Variants in LIMS1 observed in about 807,000 individuals in gnomAD.
LIMS1 encodes LIM zinc finger domain containing 1.
In LIMS1, 18 loss-of-function variants were observed where a neutral mutation model predicts 44.1. That is an observed-to-expected ratio of 0.41 (90% CI 0.28 to 0.61). LIMS1 has a LOEUF of 0.61. Among genes scored for constraint, LIMS1 ranks in the 20% least tolerant of loss-of-function variants. The probability of loss-of-function intolerance (pLI) is 0.32; values close to 1 mark genes in which losing one functional copy is unlikely to be tolerated. For synonymous variants in LIMS1, 93 were observed against 149.1 expected (o/e 0.62, Z 2.74); for missense variants, 201 against 422.0 (o/e 0.48, Z 4.59).
intron 5 of LIMS1, chr2:108,673,259 G>A (rs1361241283): frequency 1.4e-5 from 9 of 630,746 alleles, no homozygotes; most frequent in Admixed American, 3.0e-5. Flanking sequence ...CCACATTCTC[G>A]TTTCACCCTC....
At chr2:108,611,981 A>T in intron 1 of LIMS1, among the ~76,000 whole-genome samples, 1 of 144,986 alleles carries the variant, frequency 6.9e-6, no homozygotes, top group Non-Finnish European at 1.5e-5. Context: ...TATATAAAAT[A>T]TATATACATA....
At chr2:108,578,832 G>C (rs1266944533) in intron 1 of LIMS1, among the ~76,000 whole-genome samples, 2 of 152,002 alleles carry the variant, frequency 1.3e-5, no homozygotes, top group East Asian at 3.9e-4. Context: ...CTGACCTCGT[G>C]ATCTGTCTGC....
rs1221751662 is a variant in LIMS1, at chr2:108,621,913, GCAGTGGAACTATT to G, written c.33-37689_33-37677del. 4.6e-5 allele frequency among the ~76,000 whole-genome samples: 7 copies of G among 152,254 alleles called. No homozygotes were observed. The East Asian group carries it at 1.3e-3, about 29-fold the overall frequency. Reference sequence around the variant, plus strand: ...TACTGAAATGGTGTAACAAAGGAATGCAGTGGAACTATTCAATGTAGCCTAGGAAGGAAGGACA... The same window carrying G: ...TACTGAAATGGTGTAACAAAGGAATGCAATGTAGCCTAGGAAGGAAGGACA... On this transcript the variant is annotated intron_variant, in intron 1 of 9. Transcript: ENST00000544547.
chr2:108,670,017 A>T (rs1233189649), intron 2 of LIMS1, among the ~76,000 whole-genome samples: 3 of 152,182 alleles, frequency 2.0e-5, no homozygotes, highest in Non-Finnish European at 4.4e-5. Context: ...TTAAAATTTC[A>T]TGTTATATAT....
chr2:108,563,033 A>G (rs1299036768), intron 1 of LIMS1, among the ~76,000 whole-genome samples: 1 of 152,240 alleles, frequency 6.6e-6, no homozygotes, highest in Non-Finnish European at 1.5e-5. Flanking sequence ...GGAACACTGA[A>G]GTCTGGATGA....
intron 1 of LIMS1, chr2:108,607,073 T>C (rs1283445425): frequency 4.6e-6 from 3 of 658,058 alleles, no homozygotes; most frequent in Non-Finnish European, 7.8e-6. Context: ...GGAGAGATGA[T>C]TAGGTCACGA....
rs1161487423 is a variant in LIMS1, at chr2:108,621,416, G to A, written c.33-38189G>A. 9 of 1,551,036 alleles carry A rather than the reference G, an allele frequency of 5.8e-6. No homozygotes were observed. In the Admixed American group the frequency reaches 5.9e-5, roughly 10 times the overall value. ...GGTCTCTACAGGAGAAGACGAGATC[G>A]CCCCGATAGTTTGAGAGTAAATGGG... On this transcript the variant is annotated intron_variant, in intron 1 of 9. Transcript: ENST00000544547.
intron 1 of LIMS1, among the ~76,000 whole-genome samples, chr2:108,628,655 G>A (rs1277122317): frequency 2.0e-5 from 3 of 152,098 alleles, no homozygotes; most frequent in East Asian, 1.9e-4. Context: ...TAGTAGAGAC[G>A]GGGTTTCACC....
chr2:108,613,171 G>C (rs553455608), intron 1 of LIMS1, among the ~76,000 whole-genome samples: 12 of 152,152 alleles, frequency 7.9e-5, no homozygotes, highest in Admixed American at 4.6e-4. Context: ...TGCTGGGTAG[G>C]TACTCCAACG....
At chr2:108,620,300 A>G (rs367784948) in intron 1 of LIMS1, among the ~76,000 whole-genome samples, 4 of 152,192 alleles carry the variant, frequency 2.6e-5, no homozygotes, top group Non-Finnish European at 2.9e-5. Flanking sequence ...AGAAGGTTCT[A>G]AAAGGAAAAG....
At chr2:108,680,863 A>G in intron 9 of LIMS1, 93 bp downstream of exon 9, 1 of 1,532,124 alleles carries the variant, frequency 6.5e-7, no homozygotes. Flanking sequence ...AAAGAGAATT[A>G]TTTGATTTCT....
At chr2:108,678,699 C>T (rs1355404936) in intron 8 of LIMS1, 1 of 152,216 alleles carries the variant, frequency 6.6e-6, no homozygotes, top group African/African-American at 2.4e-5. Context: ...ACTTACCTCC[C>T]TCCTCTGTGA....
chr2:108,568,090 G>C (rs147400367), intron 1 of LIMS1, among the ~76,000 whole-genome samples: 1 of 152,112 alleles, frequency 6.6e-6, no homozygotes, highest in Non-Finnish European at 1.5e-5. Flanking sequence ...AGTGTTTTGG[G>C]TATTTCGAAG....
At chr2:108,643,591 T>G (rs1689857238) in intron 1 of LIMS1, among the ~76,000 whole-genome samples, 1 of 151,550 alleles carries the variant, frequency 6.6e-6, no homozygotes, top group South Asian at 2.1e-4. Context: ...CTAGCCAGTT[T>G]TTTTTTTCAT....
At chr2:108,637,260 T>C (rs966269142) in intron 1 of LIMS1, among the ~76,000 whole-genome samples, 3 of 152,098 alleles carry the variant, frequency 2.0e-5, no homozygotes, top group Admixed American at 6.5e-5. Flanking sequence ...GTGAAAGATA[T>C]GTACATTTGA....
intron 1 of LIMS1, among the ~76,000 whole-genome samples, chr2:108,569,418 T>C (rs1191426171): frequency 1.3e-5 from 2 of 152,228 alleles, no homozygotes; most frequent in East Asian, 1.9e-4. Context: ...CCTAGTCCAA[T>C]GTCATGCCTT....
At position 108,549,279 on chromosome 2, in the gene LIMS1, C is replaced by CTTTTTTT. The variant is rs71381966; in HGVS notation, c.32+14712_32+14718dup. ...ATAATAATGTACAAGTAAAGTGTTT[C>CTTTTTTT]TTTTTTTTTTTTTTTTTTTTTTTTT... is the stretch of plus-strand genomic sequence containing the variant. On this transcript the variant is annotated intron_variant, in intron 1 of 9. Transcript: ENST00000544547. 1.7e-3 allele frequency among the ~76,000 whole-genome samples: 93 copies of CTTTTTTT among 55,794 alleles called. 15 individuals carry two copies. Among genetic ancestry groups the CTTTTTTT allele is most frequent in the Non-Finnish European group, 2.1e-3 (67 of 32,028 alleles). The allele number at this position is 55,794 out of a possible 152,430, so 36.6% of individuals were successfully genotyped here. A position where few individuals can be genotyped will look rare whatever the true frequency, so the allele number is the denominator to read the frequency against.
chr2:108,607,804 A>T (rs918790925), intron 1 of LIMS1, among the ~76,000 whole-genome samples: 7 of 152,218 alleles, frequency 4.6e-5, no homozygotes, highest in Non-Finnish European at 1.0e-4. Flanking sequence ...TTATGTATCA[A>T]GTAGGGGCTC....
chr2:108,633,026 C>G (rs1172472495), intron 1 of LIMS1, among the ~76,000 whole-genome samples: 1 of 152,154 alleles, frequency 6.6e-6, no homozygotes, highest in Non-Finnish European at 1.5e-5. Context: ...CTTCCCCCTC[C>G]ACTCCAGGAA....
Sources: allele counts gnomAD v4.1 joint callset (sites outside exome capture counted in the v4.1 genomes callset), GRCh38; gene constraint gnomAD v4.1.1; transcripts MANE v1.5; gene names NCBI Gene and HGNC (gene_info 2026-07-23, HGNC 2026-07-21).